Variants in ASIC2 observed in about 807,000 individuals in gnomAD.
ASIC2 encodes the protein acid sensing ion channel subunit 2.
Under a neutral mutation model 57.3 loss-of-function variants are expected in ASIC2, and 25 were observed. That is an observed-to-expected ratio of 0.44 (90% CI 0.32 to 0.61). The LOEUF is 0.61. Ranked by LOEUF, ASIC2 falls within the 20% of genes least tolerant of loss-of-function variation. The probability of loss-of-function intolerance (pLI) is 0.06; values close to 1 mark genes in which losing one functional copy is unlikely to be tolerated. For synonymous variants in ASIC2, 319 were observed against 307.5 expected (o/e 1.04, Z -0.39); for missense variants, 641 against 738.1 (o/e 0.87, Z 1.52).
At chr17:33,282,623 T>C (rs1358374662) in intron 1 of ASIC2, among the ~76,000 whole-genome samples, 2 of 152,096 alleles carry the variant, frequency 1.3e-5, no homozygotes, top group African/African-American at 2.4e-5. Flanking sequence ...TACAGTTGCC[T>C]GCCATCAGAC....
intron 1 of ASIC2, among the ~76,000 whole-genome samples, chr17:34,113,758 G>C (rs981938720): frequency 1.3e-5 from 2 of 151,364 alleles, no homozygotes; most frequent in Non-Finnish European, 2.9e-5. Flanking sequence ...ACCTACAGTC[G>C]CAGTTACTTG....
chr17:33,338,507 A>G (rs1398089310), intron 1 of ASIC2, among the ~76,000 whole-genome samples: 2 of 152,170 alleles, frequency 1.3e-5, no homozygotes, highest in Admixed American at 1.3e-4. Context: ...AGGCAGATGG[A>G]GCAGCATGCA....
At chr17:33,261,135 G>T (rs4795755) in intron 1 of ASIC2, among the ~76,000 whole-genome samples, 3,398 of 152,282 alleles carry the variant, frequency 0.022, 51 homozygotes, top group Admixed American at 0.039. Context: ...TAGTATCCTG[G>T]TTTGCCATCA....
intron 1 of ASIC2, among the ~76,000 whole-genome samples, chr17:33,860,523 C>T (rs1021190571): frequency 1.1e-4 from 17 of 152,314 alleles, no homozygotes; most frequent in African/African-American, 3.8e-4. Context: ...CAATGGTTGA[C>T]TTTTCCATGC....
At chr17:33,787,744 G>C (rs1180025638) in intron 1 of ASIC2, among the ~76,000 whole-genome samples, 1 of 152,292 alleles carries the variant, frequency 6.6e-6, no homozygotes, top group East Asian at 1.9e-4. Context: ...CTGGGAGGTA[G>C]GTGTGTGATA....
chr17:33,462,305 T>C (rs890333021), intron 1 of ASIC2, among the ~76,000 whole-genome samples: 1 of 152,228 alleles, frequency 6.6e-6, no homozygotes, highest in African/African-American at 2.4e-5. Context: ...CTCTTTTACA[T>C]CTAGATGTAG....
chr17:33,799,403 T>TTTCTTTCTTTCTTTC lies in ASIC2; in HGVS notation c.555+356574_555+356575insGAAAGAAAGAAAGAA, dbSNP rs756059318. ...CTTTCTTTCTTTCTTTCTTTCTTTC[T>TTTCTTTCTTTCTTTC]TTTCTTTCTTTCTTTCTTTCTTTCT... On this transcript the variant is annotated intron_variant, in intron 1 of 9. Transcript: ENST00000359872. 1.0e-2 allele frequency among the ~76,000 whole-genome samples: 511 copies of TTTCTTTCTTTCTTTC among 51,270 alleles called. 15 individuals are homozygous for TTTCTTTCTTTCTTTC. The highest frequency in any genetic ancestry group is 0.015 in the African/African-American group (234 of 15,524). 33.6% of individuals were successfully genotyped at this position (51,270 alleles called of 152,430 possible). A position where few individuals can be genotyped will look rare whatever the true frequency, so the allele number is the denominator to read the frequency against.
At chr17:33,993,233 A>G (rs369012243) in intron 1 of ASIC2, among the ~76,000 whole-genome samples, 1 of 152,202 alleles carries the variant, frequency 6.6e-6, no homozygotes, top group African/African-American at 2.4e-5. Context: ...CTTCCCTGTA[A>G]TTAAGCAGTA....
rs578025908 is a variant in ASIC2, at chr17:33,727,143, T to C, written c.555+428835A>G. ...TCCTAAATGGAACTCTACTCAAAAA[T>C]AGGGGAAACTCTTGATCTAGTCTAA... On this transcript the variant is annotated intron_variant, in intron 1 of 9. Transcript: ENST00000359872. Among the ~76,000 whole-genome samples, 6 of 152,202 alleles carry C rather than the reference T, an allele frequency of 3.9e-5. No homozygotes were observed. The East Asian group carries it at 7.7e-4, about 20-fold the overall frequency.
chr17:33,761,071 TC>T (rs1910764033), intron 1 of ASIC2, among the ~76,000 whole-genome samples: 1 of 152,096 alleles, frequency 6.6e-6, no homozygotes, highest in Admixed American at 6.5e-5. Flanking sequence ...GTGTAGACAT[TC>T]CTCATTCATC....
intron 1 of ASIC2, among the ~76,000 whole-genome samples, chr17:33,468,680 C>G (rs1425938501): frequency 2.0e-5 from 3 of 151,046 alleles, no homozygotes; most frequent in Non-Finnish European, 4.4e-5. Context: ...ATACCCCCAC[C>G]CCACCCCCCA....
intron 1 of ASIC2, among the ~76,000 whole-genome samples, chr17:33,530,623 C>A (rs903262256): frequency 2.6e-5 from 4 of 152,188 alleles, no homozygotes; most frequent in African/African-American, 7.2e-5. Flanking sequence ...CTGCACTAAG[C>A]CCTTTTTTCA....
At chr17:33,852,417 C>T (rs1043198381) in intron 1 of ASIC2, among the ~76,000 whole-genome samples, 1 of 152,276 alleles carries the variant, frequency 6.6e-6, no homozygotes, top group South Asian at 2.1e-4. Flanking sequence ...TTCAGGTCCT[C>T]TCTGTGGGGT....
intron 5 of ASIC2, among the ~76,000 whole-genome samples, 192 bp downstream of exon 5, chr17:33,025,734 C>T (rs185469356): frequency 6.6e-6 from 1 of 152,210 alleles, no homozygotes; most frequent in Admixed American, 6.5e-5. Flanking sequence ...AGTTCCCTTC[C>T]CAACCTTCTC....
At chr17:34,034,900 A>G (rs539540269) in intron 1 of ASIC2, among the ~76,000 whole-genome samples, 5,604 of 152,170 alleles carry the variant, frequency 0.037, 337 homozygotes, top group African/African-American at 0.13. Flanking sequence ...ATGCTTATGG[A>G]TAGGAAGAAT....
intron 1 of ASIC2, among the ~76,000 whole-genome samples, chr17:33,378,165 T>C (rs1277837845): frequency 6.6e-6 from 1 of 152,168 alleles, no homozygotes; most frequent in Non-Finnish European, 1.5e-5. Context: ...GTGCCTCAGT[T>C]TCCTTCTCAC....
At chr17:33,404,129 A>T (rs1390158992) in intron 1 of ASIC2, among the ~76,000 whole-genome samples, 1 of 152,214 alleles carries the variant, frequency 6.6e-6, no homozygotes, top group Non-Finnish European at 1.5e-5. Context: ...GAAAGGTTCA[A>T]ATGATAGAGT....
chr17:33,390,481 C>T (rs1008731651), intron 1 of ASIC2, among the ~76,000 whole-genome samples: 13 of 152,182 alleles, frequency 8.5e-5, no homozygotes, highest in African/African-American at 3.1e-4. Context: ...TTAAAAAACT[C>T]ACCATGTATT....
chr17:34,120,529 G>A (rs1911577765), intron 1 of ASIC2, among the ~76,000 whole-genome samples: 1 of 151,746 alleles, frequency 6.6e-6, no homozygotes, highest in Non-Finnish European at 1.5e-5. Context: ...CATATTTCAG[G>A]GGGTAGGGGA....
Sources: allele counts gnomAD v4.1 joint callset (sites outside exome capture counted in the v4.1 genomes callset), GRCh38; gene constraint gnomAD v4.1.1; transcripts MANE v1.5; gene names NCBI Gene and HGNC (gene_info 2026-07-23, HGNC 2026-07-21).